Variants in SNAPC4 observed in about 807,000 individuals in gnomAD.
The protein encoded by SNAPC4 is snRNA-activating protein complex subunit 4.
Under a neutral mutation model 151.3 loss-of-function variants are expected in SNAPC4, and 127 were observed. The observed-to-expected ratio is 0.84, with a 90% CI of 0.73 to 0.97. The LOEUF is 0.97. Ranked by LOEUF, SNAPC4 falls within the 50% of genes least tolerant of loss-of-function variation. SNAPC4 has a pLI of 0.00. For missense variants in SNAPC4, 2,186 were observed against 1,935.0 expected, an observed-to-expected ratio of 1.13 and a Z score of -2.43; for synonymous variants, 1,002 against 824.4, an observed-to-expected ratio of 1.22 and a Z score of -3.69.
chr9:136,392,275 G>A (rs1235109645), intron 9 of SNAPC4, among the ~76,000 whole-genome samples, 169 bp from the exon 10 acceptor site: 1 of 152,082 alleles, frequency 6.6e-6, no homozygotes, highest in Non-Finnish European at 1.5e-5. Flanking sequence ...ATGTAGACTT[G>A]GCTCCAGATG....
intron 7 of SNAPC4, 42 bp from the exon 8 acceptor site, chr9:136,392,819 C>G (rs1057399363): frequency 1.9e-6 from 3 of 1,548,430 alleles, no homozygotes; most frequent in Non-Finnish European, 2.7e-6. Flanking sequence ...GGCACGAGGG[C>G]TGCGGGGCGG....
At position 136,382,008 on chromosome 9, in the gene SNAPC4, C is replaced by T. The variant is rs1833713164; in HGVS notation, c.2133G>A (p.Val711=). 1 of 1,609,298 alleles carries T rather than the reference C, an allele frequency of 6.2e-7. No individual in the cohort carries two copies. Among genetic ancestry groups the T allele is most frequent in the Non-Finnish European group, 8.5e-7 (1 of 1,179,038 alleles). Residue 711 remains valine (V), a synonymous_variant, in exon 18 of 24, where the codon GTG becomes GTA. Coordinates refer to ENST00000684778, the MANE Select transcript of SNAPC4 (RefSeq NM_003086.4). ...GTAGCCACTGCACATGGGATCGGGCCACGCTGTCACCAGAGCTGACCCCTG... is the reference window on the plus strand; with the variant it reads ...GTAGCCACTGCACATGGGATCGGGCTACGCTGTCACCAGAGCTGACCCCTG... ...SSPGVSSGDS[V]ARSHVQWLRH...
In SNAPC4 at chr9:136,381,476, C is replaced by A. The variant is rs552371943; in HGVS notation, c.2318-84G>T. On this transcript the variant is annotated intron_variant, in intron 18 of 23. Transcript: ENST00000684778. ...GGGTGGAAAGCAGCCCCAGCTCCCA[C>A]GTGCCTTTCGAGGCGGCTCTGGGAG... is the stretch of plus-strand genomic sequence containing the variant. The A allele has an allele frequency of 2.3e-5, 30 of 1,293,540 alleles. No individual in the cohort carries two copies. The Admixed American group carries it at 4.7e-4, about 20-fold the overall frequency. 80.1% of individuals were successfully genotyped at this position (1,293,540 alleles called of 1,614,324 possible). A position where few individuals can be genotyped will look rare whatever the true frequency, so the allele number is the denominator to read the frequency against.
rs573079617 is a variant in SNAPC4 at position 136,388,666 on chromosome 9, G to C, written c.976-75C>G. 4.5e-6 allele frequency: 7 copies of C among 1,572,360 alleles called. No homozygotes were observed. The East Asian group carries it at 1.6e-4, about 35-fold the overall frequency. ...TCCAGATCTGGCTCTGAGTGCCCCA[G>C]GGCACAGGTGGGCCCATGAGCCACT... On this transcript the variant is annotated intron_variant, in intron 10 of 23. Transcript: ENST00000684778.
rs376301348 is a variant in SNAPC4 at position 136,382,114 on chromosome 9, C to T, written c.2068-41G>A. The T allele has an allele frequency of 1.6e-4, 248 of 1,560,224 alleles. 1 individual carries two copies. Among genetic ancestry groups the T allele is most frequent in the Non-Finnish European group, 2.0e-4 (228 of 1,151,592 alleles). On this transcript the variant is annotated intron_variant, in intron 17 of 23. Coordinates refer to ENST00000684778, the MANE Select transcript of SNAPC4 (RefSeq NM_003086.4). The stretch of plus-strand genomic sequence containing the variant: ...AGCACCTGGGGCCCATGGCCAGGCT[C>T]GGCCCCCGGAGTGGACCCTGCCCAG...
chr9:136,392,499 G>A, intron 9 of SNAPC4, 23 bp downstream of exon 9: 1 of 1,611,006 alleles, frequency 6.2e-7, no homozygotes, highest in Non-Finnish European at 8.5e-7. Flanking sequence ...GCTGCTTGGG[G>A]CTCAGACCTG....
At chr9:136,380,686 C>T in intron 20 of SNAPC4, 54 bp downstream of exon 20, 1 of 1,053,876 alleles carries the variant, frequency 9.5e-7, no homozygotes, top group Non-Finnish European at 1.5e-6. Context: ...AAACCCACTC[C>T]AACGCCGGGG....
At position 136,377,932 on chromosome 9, in the gene SNAPC4, T is replaced by TTCCCAA; in HGVS notation, c.3894_3895insTTGGGA (p.Leu1297_Gly1298dup). ...GCTGGGGGCTGATAGGGCAGTCTGC[T>TTCCCAA]GCCCAGAAGAGGCACACGCACCCCC... On this transcript the variant is annotated inframe_insertion, in exon 22 of 24. Transcript: ENST00000684778. The TTCCCAA allele has an allele frequency of 6.2e-7, 1 of 1,607,694 alleles. No individual in the cohort carries two copies. The highest frequency in any genetic ancestry group is 1.1e-5 in the South Asian group (1 of 90,998).
At chr9:136,376,724 C>T (rs1007141288) in intron 22 of SNAPC4, among the ~76,000 whole-genome samples, 2 of 152,134 alleles carry the variant, frequency 1.3e-5, no homozygotes, top group Non-Finnish European at 2.9e-5. Context: ...CCCCATGGGA[C>T]AGCCATCACA....
In SNAPC4 at chr9:136,378,718, G is replaced by A. The variant is rs749447322; in HGVS notation, c.3109C>T (p.Leu1037=). ...QAPAASRKQG[L]PEAPPFLPAA... ...GGGAGAAAGGGTGGCGCCTCAGGCA[G>A]GCCCTGCTTCCGGGATGCAGCGGGG... Residue 1037 remains leucine, a synonymous_variant, in exon 22 of 24, where the codon CTG becomes TTG. Coordinates refer to ENST00000684778, the MANE Select transcript of SNAPC4 (RefSeq NM_003086.4). 4.7e-6 allele frequency: 7 copies of A among 1,503,642 alleles called. No individual in the cohort carries two copies. The African/African-American group carries it at 8.3e-5, about 18-fold the overall frequency. The allele number at this position is 1,503,642 out of a possible 1,614,324, so 93.1% of individuals were successfully genotyped here. A position where few individuals can be genotyped will look rare whatever the true frequency, so the allele number is the denominator to read the frequency against.
chr9:136,390,676 C>T (rs1157590742), intron 10 of SNAPC4, among the ~76,000 whole-genome samples: 3 of 151,048 alleles, frequency 2.0e-5, no homozygotes, highest in East Asian at 1.9e-4. Flanking sequence ...CGCTCACCTA[C>T]GGAACCAAAC....
At chr9:136,386,092 C>A (rs1643231223) in intron 13 of SNAPC4, among the ~76,000 whole-genome samples, 1 of 151,540 alleles carries the variant, frequency 6.6e-6, no homozygotes, top group South Asian at 2.1e-4. Flanking sequence ...GAGGCTGGAC[C>A]ATTTTACAAC....
Position 136,387,489 on chromosome 9 carries a change from C to T in SNAPC4, c.1321G>A (p.Asp441Asn). 1.2e-6 allele frequency: 2 copies of T among 1,610,246 alleles called. No individual in the cohort carries two copies. Among genetic ancestry groups the T allele is most frequent in the Non-Finnish European group, 1.7e-6 (2 of 1,176,592 alleles). Residue 441 changes from aspartate (D) to asparagine (N), a missense_variant, in exon 13 of 24, where the codon GAT becomes AAT. Physicochemically the swap from Asp to Asn is conservative, Grantham distance 23. Transcript: ENST00000684778. ...VPGRSDAQCRDRYLRRLHFSL... is the reference protein window; with the variant it reads ...VPGRSDAQCRNRYLRRLHFSL... Reference sequence around the variant, plus strand: ...GCTCAGCGCTGTGCGACTCACCGATCTCGGCACTGGGCATCGCTCCTACCT... The same window carrying T: ...GCTCAGCGCTGTGCGACTCACCGATTTCGGCACTGGGCATCGCTCCTACCT...
At chr9:136,379,385 G>C in intron 21 of SNAPC4, 86 bp from the exon 22 acceptor site, 1 of 1,570,182 alleles carries the variant, frequency 6.4e-7, no homozygotes, top group South Asian at 1.2e-5. Context: ...CATCAGGAGG[G>C]ACCATGTGGG....
rs201465171 is a variant in SNAPC4, at chr9:136,392,522, G to A, written c.810C>T (p.Asn270=). 20 of 1,613,542 alleles carry A rather than the reference G, an allele frequency of 1.2e-5. No individual in the cohort carries two copies. Among genetic ancestry groups the A allele is most frequent in the South Asian group, 1.2e-4 (11 of 91,082 alleles). ...SHDWEKISNI[N]FEGSRSAEEI... ...GGGCTCAGACCTGCCCCTGACTTAC[G>A]TTAATATTGGAAATCTTCTCCCAGT... is the stretch of plus-strand genomic sequence containing the variant. The change falls in exon 9 of 24, where the codon AAC becomes AAT. Residue 270 remains asparagine (N), a splice_region_variant and synonymous_variant. Transcript: ENST00000684778.
In SNAPC4 at chr9:136,398,305, C is replaced by T. The variant is rs1210515987; in HGVS notation, c.124G>A (p.Glu42Lys). 2.5e-6 allele frequency: 4 copies of T among 1,613,294 alleles called. No individual in the cohort carries two copies. Among genetic ancestry groups the T allele is most frequent in the Non-Finnish European group, 3.4e-6 (4 of 1,179,408 alleles). ...ISESSLESDSEADSLPSEDLD... is the reference protein window; with the variant it reads ...ISESSLESDSKADSLPSEDLD... ...CTAGGTACAAGGGGCTTACCTGCTT[C>T]AGAATCTGACTCGAGACTTGATTCT... The change falls in exon 2 of 24, where the codon GAA (glutamate) becomes AAA (lysine). Residue 42 changes from glutamate to lysine, a missense_variant. Transcript: ENST00000684778.
chr9:136,387,889 A>C, intron 11 of SNAPC4, 41 bp from the exon 12 acceptor site: 1 of 1,118,184 alleles, frequency 8.9e-7, no homozygotes. Context: ...GGGCCGAGAC[A>C]CACACCCTCC....
In SNAPC4 at chr9:136,377,568, C is replaced by T; in HGVS notation, c.4259G>A (p.Cys1420Tyr). ...CTGAATGGGGCATGTGGCTGTCGTGCAGCCCGGCTGCCCGTCCCTGTCTGC... is the reference window on the plus strand; with the variant it reads ...CTGAATGGGGCATGTGGCTGTCGTGTAGCCCGGCTGCCCGTCCCTGTCTGC... Reference protein sequence around the residue: ...ELADRDGQPGCTTATCPIQGA... With the variant: ...ELADRDGQPGYTTATCPIQGA... The change falls in exon 22 of 24, where the codon TGC becomes TAC. Residue 1420 changes from cysteine (C) to tyrosine (Y), a missense_variant. By Grantham distance (194) the Cys-to-Tyr change is radical (BLOSUM62 -2). Coordinates refer to ENST00000684778, the MANE Select transcript of SNAPC4 (RefSeq NM_003086.4). 1 of 1,519,768 alleles carries T rather than the reference C, an allele frequency of 6.6e-7. No individual in the cohort carries two copies. The highest frequency in any genetic ancestry group is 1.3e-5 in the South Asian group (1 of 77,204). The allele number at this position is 1,519,768 out of a possible 1,614,324, so 94.1% of individuals were successfully genotyped here. A position where few individuals can be genotyped will look rare whatever the true frequency, so the allele number is the denominator to read the frequency against.
Position 136,394,852 on chromosome 9 carries a change from T to G in SNAPC4, c.498A>C (p.Arg166=), listed in dbSNP as rs972024279. 6.2e-6 allele frequency: 10 copies of G among 1,613,854 alleles called. No individual in the cohort carries two copies. The highest frequency in any genetic ancestry group is 7.6e-6 in the Non-Finnish European group (9 of 1,179,958). ...GVGPPANEDT[R]EKAAQGIKAF... ...CCTTGATCCCCTGGGCAGCCTTCTC[T>G]CGTGTGTCCTCGTTGGCAGGTGGCC... The change falls in exon 6 of 24, where the codon CGA becomes CGC. Residue 166 remains arginine, a synonymous_variant. Transcript: ENST00000684778.
Sources: gnomAD v4.1 joint callset for allele counts (sites outside exome capture counted in the v4.1 genomes callset) on GRCh38, gnomAD v4.1.1 for gene constraint, MANE v1.5 for transcripts, NCBI Gene and HGNC (gene_info 2026-07-23, HGNC 2026-07-21) for gene names.